CNIH3: variants seen among roughly 807,000 people sequenced by gnomAD.
CNIH3 encodes protein cornichon homolog 3.
In CNIH3, 14 loss-of-function variants were observed where a neutral mutation model predicts 24.1. That is an observed-to-expected ratio of 0.58 (90% CI 0.38 to 0.91). CNIH3 has a LOEUF of 0.91. Ranked by LOEUF, CNIH3 falls within the 40% of genes least tolerant of loss-of-function variation. The pLI is 0.00. For missense variants in CNIH3, 178 were observed against 196.8 expected (o/e 0.90, Z 0.57); for synonymous variants, 68 against 73.8 (o/e 0.92, Z 0.40).
chr1:224,708,791 G>A (rs1687968451), intron 3 of CNIH3, among the ~76,000 whole-genome samples: 3 of 152,068 alleles, frequency 2.0e-5, no homozygotes, highest in African/African-American at 7.2e-5. Flanking sequence ...CCAAATACAG[G>A]TGTTCATGCG....
intron 3 of CNIH3, among the ~76,000 whole-genome samples, chr1:224,706,744 G>A (rs962459553): frequency 6.6e-6 from 1 of 152,128 alleles, no homozygotes; most frequent in Non-Finnish European, 1.5e-5. Context: ...CCACAAAGTG[G>A]TAGAGTTAGT....
At chr1:224,517,102 A>G (rs1678421003) in intron 1 of CNIH3, among the ~76,000 whole-genome samples, 1 of 151,696 alleles carries the variant, frequency 6.6e-6, no homozygotes, top group African/African-American at 2.4e-5. Context: ...TTTGTTTGTT[A>G]GTTTTTTGGC....
chr1:224,602,544 GAAT>G (rs1682249566), intron 3 of CNIH3, among the ~76,000 whole-genome samples: 2 of 152,152 alleles, frequency 1.3e-5, no homozygotes, highest in Admixed American at 6.5e-5. Context: ...TGTCTGGGAA[GAAT>G]AATAATTTTT....
intron 1 of CNIH3, among the ~76,000 whole-genome samples, chr1:224,643,337 A>G (rs1215561787): frequency 6.6e-6 from 1 of 152,234 alleles, no homozygotes; most frequent in African/African-American, 2.4e-5. Context: ...TATTTGCAGC[A>G]TCTTTTGGAC....
At chr1:224,449,477 C>T (rs999228388) in intron 1 of CNIH3, among the ~76,000 whole-genome samples, 8 of 151,938 alleles carry the variant, frequency 5.3e-5, no homozygotes, top group South Asian at 2.1e-4. Flanking sequence ...AATTTGTTGC[C>T]GTCACTGCTA....
intron 1 of CNIH3, among the ~76,000 whole-genome samples, chr1:224,668,806 G>C (rs952230025): frequency 1.3e-5 from 2 of 152,080 alleles, no homozygotes; most frequent in African/African-American, 4.8e-5. Flanking sequence ...TGAGAGGAGG[G>C]GGAACCTGGG....
chr1:224,452,747 AC>A, intron 1 of CNIH3, among the ~76,000 whole-genome samples: 1 of 138,020 alleles, frequency 7.2e-6, no homozygotes, highest in South Asian at 2.3e-4. Context: ...GCGCCACTGC[AC>A]TCCAGCCTGG....
At chr1:224,506,454 C>A (rs1409960985) in intron 1 of CNIH3, among the ~76,000 whole-genome samples, 1 of 152,188 alleles carries the variant, frequency 6.6e-6, no homozygotes, top group African/African-American at 2.4e-5. Context: ...CTCGATGCCA[C>A]CCTCCTGGCC....
intron 1 of CNIH3, among the ~76,000 whole-genome samples, chr1:224,670,256 G>A (rs958565283): frequency 6.6e-6 from 1 of 152,196 alleles, no homozygotes; most frequent in African/African-American, 2.4e-5. Flanking sequence ...AGGAAGGGAT[G>A]TAGCTATGCA....
intron 1 of CNIH3, among the ~76,000 whole-genome samples, chr1:224,448,314 GCTTTTGAGTAC>G (rs1675248530): frequency 6.6e-6 from 1 of 152,172 alleles, no homozygotes; most frequent in Non-Finnish European, 1.5e-5. Flanking sequence ...GACTGTACTT[GCTTTTGAGTAC>G]CTGTGAGATG....
chr1:224,623,729 G>T (rs536944584), intron 1 of CNIH3, among the ~76,000 whole-genome samples: 10 of 152,294 alleles, frequency 6.6e-5, no homozygotes, highest in African/African-American at 2.4e-4. Context: ...AGAAGCAGCA[G>T]AGTCTGTCCC....
intron 1 of CNIH3, among the ~76,000 whole-genome samples, chr1:224,632,334 C>T (rs1683863159): frequency 6.6e-6 from 1 of 152,114 alleles, no homozygotes; most frequent in South Asian, 2.1e-4. Context: ...GTGTCAATAG[C>T]TTCTAAATTC....
rs1422033793 is a variant in CNIH3, at chr1:224,707,014, A to G, written c.198+22171A>G. On this transcript the variant is annotated intron_variant, in intron 3 of 5. Coordinates refer to ENST00000272133, the MANE Select transcript of CNIH3 (RefSeq NM_152495.2). ...AGTCTTGCTCTGTCACCCAGTCTGG[A>G]GTGCAGTGGCGTGATCTTTGCTCAC... Among the ~76,000 whole-genome samples, 4 of 117,724 alleles carry G rather than the reference A, an allele frequency of 3.4e-5. No individual in the cohort carries two copies. The South Asian group carries it at 8.3e-4, about 24-fold the overall frequency. 77.2% of individuals were successfully genotyped at this position (117,724 alleles called of 152,430 possible). A position where few individuals can be genotyped will look rare whatever the true frequency, so the allele number is the denominator to read the frequency against.
At chr1:224,524,140 A>G (rs948157304) in intron 2 of CNIH3, among the ~76,000 whole-genome samples, 4 of 152,224 alleles carry the variant, frequency 2.6e-5, no homozygotes, top group Admixed American at 6.5e-5. Flanking sequence ...AATCTGCACC[A>G]TCTGGAAATG....
In CNIH3 at chr1:224,627,598, C is replaced by T. The variant is rs570704075; in HGVS notation, c.81+10343C>T. On this transcript the variant is annotated intron_variant, in intron 1 of 5. Coordinates refer to ENST00000272133, the MANE Select transcript of CNIH3 (RefSeq NM_152495.2). ...CAGTGGTGGCTGGCTGCAGGAGCCA[C>T]GTCTGGCTAGGATGGTATGTCTGGC... Among the ~76,000 whole-genome samples the T allele has an allele frequency of 1.2e-4, 18 of 152,282 alleles. No individual in the cohort carries two copies. In the East Asian group the frequency reaches 2.9e-3, roughly 24 times the overall value.
chr1:224,553,078 G>A (rs896880640), intron 3 of CNIH3, among the ~76,000 whole-genome samples: 2 of 149,160 alleles, frequency 1.3e-5, no homozygotes, highest in African/African-American at 2.5e-5. Context: ...TACACCCACT[G>A]TGATATTAGG....
intron 1 of CNIH3, among the ~76,000 whole-genome samples, chr1:224,653,369 C>G (rs1329401182): frequency 6.7e-6 from 1 of 149,042 alleles, no homozygotes; most frequent in Non-Finnish European, 1.5e-5. Context: ...TTGCAGTGAG[C>G]CAAGATCGTG....
intron 1 of CNIH3, among the ~76,000 whole-genome samples, chr1:224,655,598 G>T (rs771374525): frequency 2.6e-5 from 4 of 152,218 alleles, no homozygotes; most frequent in Non-Finnish European, 2.9e-5. Flanking sequence ...GGAACACTAG[G>T]CCTTTCCTGG....
chr1:224,677,605 C>T (rs1342697920), intron 1 of CNIH3, among the ~76,000 whole-genome samples: 1 of 152,250 alleles, frequency 6.6e-6, no homozygotes, highest in Admixed American at 6.5e-5. Context: ...CTGCGCCATC[C>T]TCTAGGTGAG....
Sources: gnomAD v4.1 joint callset for allele counts (sites outside exome capture counted in the v4.1 genomes callset) on GRCh38, gnomAD v4.1.1 for gene constraint, MANE v1.5 for transcripts, NCBI Gene and HGNC (gene_info 2026-07-23, HGNC 2026-07-21) for gene names.